The following USH2A variants were observed in gnomAD, a reference collection of about 807,000 sequenced individuals.
USH2A encodes usherin.
USH2A carries 443 observed loss-of-function variants against 538.9 expected under a neutral mutation model. The observed-to-expected ratio is 0.82, with a 90% CI of 0.76 to 0.89. The LOEUF is 0.89. Among genes scored for constraint, USH2A ranks in the 40% least tolerant of loss-of-function variants. The pLI is 0.00. For synonymous variants in USH2A, 2,413 were observed against 2,273.5 expected (o/e 1.06, Z -1.75); for missense variants, 6,633 against 6,324.8 (o/e 1.05, Z -1.65).
Position 215,839,377 on chromosome 1 carries a change from A to T in USH2A, c.9259-1274T>A, listed in dbSNP as rs1663614643. Among the ~76,000 whole-genome samples the T allele has an allele frequency of 1.3e-5, 2 of 152,216 alleles. 1 individual carries two copies. The stretch of plus-strand genomic sequence containing the variant: ...ATTATAATGGATATATGCACAAATA[A>T]TCGTATTGATTCCTCATAACTCCAT... On this transcript the variant is annotated intron_variant, in intron 46 of 71. Coordinates refer to ENST00000307340, the MANE Select transcript of USH2A (RefSeq NM_206933.4).
chr1:215,819,146 A>C (rs4129020), intron 47 of USH2A, among the ~76,000 whole-genome samples: 2,165 of 151,984 alleles, frequency 0.014, 59 homozygotes, highest in African/African-American at 0.05. Context: ...GAATAAAGCA[A>C]GCACATAAGA....
chr1:216,005,669 G>T (rs2102487469), intron 32 of USH2A, among the ~76,000 whole-genome samples: 1 of 152,094 alleles, frequency 6.6e-6, no homozygotes, highest in South Asian at 2.1e-4. Flanking sequence ...GTCTATAGTT[G>T]TAAGACAAAG....
chr1:216,388,850 A>T (rs1165001973), intron 3 of USH2A, among the ~76,000 whole-genome samples: 1 of 152,208 alleles, frequency 6.6e-6, no homozygotes, highest in African/African-American at 2.4e-5. Context: ...GCCTTTTGTA[A>T]CTTATCCCGC....
intron 32 of USH2A, among the ~76,000 whole-genome samples, chr1:216,014,542 A>G (rs1668660410): frequency 6.6e-6 from 1 of 152,216 alleles, no homozygotes; most frequent in Non-Finnish European, 1.5e-5. Flanking sequence ...CACAAATCTG[A>G]GTTGGGTAAA....
At chr1:216,397,132 A>G (rs1161581576) in intron 3 of USH2A, among the ~76,000 whole-genome samples, 1 of 152,202 alleles carries the variant, frequency 6.6e-6, no homozygotes, top group East Asian at 1.9e-4. Context: ...TAGTCTATCT[A>G]GTTATTTTAT....
At chr1:215,749,221 T>A (rs1413706361) in intron 58 of USH2A, among the ~76,000 whole-genome samples, 3 of 152,162 alleles carry the variant, frequency 2.0e-5, no homozygotes, top group Non-Finnish European at 4.4e-5. Flanking sequence ...CTTCCAGGCC[T>A]TGCATCCTTC....
chr1:216,068,895 G>A (rs1051098382), intron 30 of USH2A, among the ~76,000 whole-genome samples: 2 of 152,088 alleles, frequency 1.3e-5, no homozygotes, highest in African/African-American at 4.8e-5. Flanking sequence ...TAGTAAGAAA[G>A]TAATAGAAAT....
At chr1:215,783,058 G>A (rs576353247) in intron 52 of USH2A, 123 bp from the exon 53 acceptor site, 3 of 823,980 alleles carry the variant, frequency 3.6e-6, no homozygotes, top group Non-Finnish European at 5.5e-6. Flanking sequence ...TAAACGCTTT[G>A]TATATAAATA....
At chr1:216,231,339 C>A (rs1392423486) in intron 14 of USH2A, among the ~76,000 whole-genome samples, 2 of 130,144 alleles carry the variant, frequency 1.5e-5, no homozygotes, top group African/African-American at 6.0e-5. Context: ...TGTGTATTTT[C>A]TTCTTCAGAT....
At chr1:215,885,598 A>G (rs1665029445) in intron 41 of USH2A, among the ~76,000 whole-genome samples, 1 of 152,212 alleles carries the variant, frequency 6.6e-6, no homozygotes, top group African/African-American at 2.4e-5. Context: ...TAATCAAATA[A>G]GATTTTAAGC....
chr1:215,899,262 G>A (rs187859507), intron 40 of USH2A, among the ~76,000 whole-genome samples: 278 of 152,258 alleles, frequency 1.8e-3, no homozygotes, highest in South Asian at 1.0e-3. Flanking sequence ...GCATGGCAAT[G>A]GGCCAGCAGA....
chr1:216,047,487 T>C (rs2030573505), intron 31 of USH2A, among the ~76,000 whole-genome samples: 3 of 152,184 alleles, frequency 2.0e-5, no homozygotes, highest in Admixed American at 6.6e-5. Flanking sequence ...GCTGGGTCAC[T>C]GACAGCATAG....
intron 30 of USH2A, among the ~76,000 whole-genome samples, chr1:216,068,994 G>A (rs990472798): frequency 3.3e-5 from 5 of 152,144 alleles, no homozygotes; most frequent in African/African-American, 4.8e-5. Context: ...GGGAGGTAAC[G>A]TGTATAGTTT....
At chr1:216,312,105 T>A (rs2037431818) in intron 9 of USH2A, among the ~76,000 whole-genome samples, 1 of 152,106 alleles carries the variant, frequency 6.6e-6, no homozygotes, top group South Asian at 2.1e-4. Flanking sequence ...CTACTGGTTT[T>A]TGTTTGAGAA....
chr1:215,788,042 T>C (rs1202434896), intron 51 of USH2A, among the ~76,000 whole-genome samples: 14 of 152,136 alleles, frequency 9.2e-5, no homozygotes. Context: ...TGTGTGTGTG[T>C]GTATGTGTGT....
intron 38 of USH2A, among the ~76,000 whole-genome samples, chr1:215,918,382 G>A (rs1484517268): frequency 2.0e-5 from 3 of 151,928 alleles, no homozygotes; most frequent in African/African-American, 4.8e-5. Context: ...TCATGAATGC[G>A]GTTAGTGCCC....
intron 60 of USH2A, among the ~76,000 whole-genome samples, chr1:215,732,700 C>T (rs1660039927): frequency 6.6e-6 from 1 of 151,582 alleles, no homozygotes; most frequent in Admixed American, 6.6e-5. Context: ...TGCCACCATG[C>T]CTGGCTAATT....
At chr1:216,282,610 T>G (rs1359543735) in intron 11 of USH2A, among the ~76,000 whole-genome samples, 1 of 152,210 alleles carries the variant, frequency 6.6e-6, no homozygotes, top group Admixed American at 6.5e-5. Flanking sequence ...TTTATCCCAG[T>G]ACCATGCTGT....
chr1:215,696,943 C>T (rs1189756570), intron 61 of USH2A, among the ~76,000 whole-genome samples: 1 of 151,394 alleles, frequency 6.6e-6, no homozygotes, highest in Non-Finnish European at 1.5e-5. Flanking sequence ...CCATTACACC[C>T]TCTTTTTTTT....
Sources: allele counts gnomAD v4.1 joint callset (sites outside exome capture counted in the v4.1 genomes callset), GRCh38; gene constraint gnomAD v4.1.1; transcripts MANE v1.5; gene names NCBI Gene and HGNC (gene_info 2026-07-23, HGNC 2026-07-21).